Variants in WARS2 observed in about 807,000 individuals in gnomAD.
The protein encoded by WARS2 is tryptophan--tRNA ligase, mitochondrial.
In WARS2, 28 loss-of-function variants were observed where a neutral mutation model predicts 36.5. The ratio of observed to expected loss-of-function variants is 0.77; its 90% CI spans 0.57 to 1.05. The LOEUF is 1.05. WARS2 is among the 50% of genes least tolerant of loss of function. WARS2 has a pLI of 0.00. For synonymous variants in WARS2, 174 were observed against 178.4 expected, an observed-to-expected ratio of 0.98 and a Z score of 0.20; for missense variants, 435 against 456.8, an observed-to-expected ratio of 0.95 and a Z score of 0.44.
At chr1:119,042,403 T>C (rs1294473338) in intron 3 of WARS2, 54 bp from the exon 4 acceptor site, 2 of 1,518,658 alleles carry the variant, frequency 1.3e-6, no homozygotes, top group East Asian at 4.5e-5. Context: ...GACTTGAACC[T>C]AATTATACTG....
At chr1:119,062,366 C>T (rs1371495244) in intron 2 of WARS2, among the ~76,000 whole-genome samples, 1 of 152,014 alleles carries the variant, frequency 6.6e-6, no homozygotes, top group Admixed American at 6.6e-5. Context: ...ACAAAGATAG[C>T]ATGGTGGCCA....
chr1:119,039,297 T>C (rs1041346498), intron 4 of WARS2, among the ~76,000 whole-genome samples: 1 of 152,146 alleles, frequency 6.6e-6, no homozygotes, highest in African/African-American at 2.4e-5. Context: ...GCATTGTAGG[T>C]ACTTAGCAAC....
intron 1 of WARS2, among the ~76,000 whole-genome samples, chr1:119,107,496 G>A (rs587711556): frequency 6.6e-6 from 1 of 152,194 alleles, no homozygotes; most frequent in African/African-American, 2.4e-5. Context: ...TCAAGCTGAT[G>A]TCTAATCATT....
chr1:119,125,614 C>G (rs1000146457), intron 1 of WARS2, among the ~76,000 whole-genome samples: 1 of 152,218 alleles, frequency 6.6e-6, no homozygotes, highest in Non-Finnish European at 1.5e-5. Context: ...TAATCCTCCA[C>G]TGAACAGGGT....
intron 1 of WARS2, among the ~76,000 whole-genome samples, chr1:119,082,840 A>C (rs1293486582): frequency 6.6e-6 from 1 of 152,184 alleles, no homozygotes; most frequent in African/African-American, 2.4e-5. Context: ...ATTCAAATTG[A>C]AAATCCCCAC....
intron 2 of WARS2, among the ~76,000 whole-genome samples, chr1:119,072,897 A>G (rs1571317756): frequency 2.0e-5 from 3 of 152,158 alleles, no homozygotes; most frequent in South Asian, 2.1e-4. Context: ...GCTCATTCCT[A>G]TAATCCCAAC....
chr1:119,080,426 A>G (rs1027453533), intron 1 of WARS2, among the ~76,000 whole-genome samples: 3 of 152,188 alleles, frequency 2.0e-5, no homozygotes, highest in African/African-American at 7.2e-5. Flanking sequence ...ACCAGTGGGA[A>G]TGGGCTAGAA....
chr1:119,046,519 T>TC (rs1330809013), intron 2 of WARS2, among the ~76,000 whole-genome samples: 1 of 151,276 alleles, frequency 6.6e-6, no homozygotes, highest in Admixed American at 6.6e-5. Flanking sequence ...GGCTAATTTT[T>TC]TTTTTTTTTT....
chr1:119,050,589 T>G (rs1001098977), intron 2 of WARS2, among the ~76,000 whole-genome samples: 1 of 152,120 alleles, frequency 6.6e-6, no homozygotes, highest in African/African-American at 2.4e-5. Flanking sequence ...AGACAATGTC[T>G]AAACATGTGG....
chr1:119,067,615 G>GT (rs1420085222), intron 2 of WARS2, among the ~76,000 whole-genome samples: 1 of 152,130 alleles, frequency 6.6e-6, no homozygotes, highest in Non-Finnish European at 1.5e-5. Flanking sequence ...GGAGCCTAGG[G>GT]TGGGAGCATT....
intron 1 of WARS2, among the ~76,000 whole-genome samples, chr1:119,077,150 G>GAAAAAAAAAAAA (rs1427699692): frequency 1.8e-5 from 1 of 54,312 alleles, no homozygotes; most frequent in Non-Finnish European, 4.0e-5. Context: ...AAAAAAAAAG[G>GAAAAAAAAAAAA]AAAAGATCTG....
chr1:119,102,420 A>G (rs1428279565), intron 1 of WARS2, among the ~76,000 whole-genome samples: 1 of 152,196 alleles, frequency 6.6e-6, no homozygotes, highest in Non-Finnish European at 1.5e-5. Flanking sequence ...ATATTTCCAC[A>G]TAGATAACCA....
At chr1:119,099,213 G>C (rs182835370) in intron 1 of WARS2, among the ~76,000 whole-genome samples, 82 of 152,188 alleles carry the variant, frequency 5.4e-4, no homozygotes, top group African/African-American at 1.7e-3. Flanking sequence ...TACCCCACGA[G>C]ACACCCAAGA....
At chr1:119,126,894 T>C (rs1655699099) in intron 1 of WARS2, 1 of 801,668 alleles carries the variant, frequency 1.2e-6, no homozygotes, top group South Asian at 1.4e-5. Flanking sequence ...TACCTGATTG[T>C]TGCATTTTTT....
At chr1:119,072,698 G>T (rs990634102) in intron 2 of WARS2, among the ~76,000 whole-genome samples, 2 of 152,084 alleles carry the variant, frequency 1.3e-5, no homozygotes, top group Non-Finnish European at 2.9e-5. Flanking sequence ...GGAGAGTCAG[G>T]GTAATTTGGG....
chr1:119,062,636 T>C (rs892045008), intron 2 of WARS2, among the ~76,000 whole-genome samples: 4 of 152,184 alleles, frequency 2.6e-5, no homozygotes, highest in African/African-American at 9.7e-5. Context: ...CAAAGGGAGG[T>C]AATTGAGTCA....
chr1:119,071,744 G>A (rs1651332827), intron 2 of WARS2, among the ~76,000 whole-genome samples: 2 of 152,088 alleles, frequency 1.3e-5, no homozygotes, highest in Non-Finnish European at 2.9e-5. Context: ...AGAGATCTAT[G>A]GTACAATATG....
Position 119,033,179 on chromosome 1 carries a change from A to C in WARS2, c.815T>G (p.Val272Gly). ...GGCATGCACCGCCACTATGTTGGAC[A>C]CGCCAGCGCGGCCAGCCGGGTCATA... Reference protein sequence around the residue: ...VTYDPAGRAGVSNIVAVHAAV... With the variant: ...VTYDPAGRAGGSNIVAVHAAV... The change falls in exon 6 of 6, where the codon GTG (valine) becomes GGG (glycine). Residue 272 changes from valine (V) to glycine (G), a missense_variant. Physicochemically the swap from Val to Gly is moderately radical, Grantham distance 109. Coordinates refer to ENST00000235521, the MANE Select transcript of WARS2 (RefSeq NM_015836.4). The C allele has an allele frequency of 6.2e-7, 1 of 1,614,220 alleles. No individual in the cohort carries two copies. The highest frequency in any genetic ancestry group is 8.5e-7 in the Non-Finnish European group (1 of 1,180,048).
At chr1:119,086,920 C>T (rs1204750218) in intron 1 of WARS2, among the ~76,000 whole-genome samples, 1 of 152,014 alleles carries the variant, frequency 6.6e-6, no homozygotes, top group Non-Finnish European at 1.5e-5. Context: ...TTCCACCATC[C>T]TAGAATGCCC....
Sources: allele counts gnomAD v4.1 joint callset (sites outside exome capture counted in the v4.1 genomes callset), GRCh38; gene constraint gnomAD v4.1.1; transcripts MANE v1.5; gene names NCBI Gene and HGNC (gene_info 2026-07-23, HGNC 2026-07-21).